The following PCDH15 variants were observed in gnomAD, a reference collection of about 807,000 sequenced individuals.
PCDH15 encodes protocadherin related 15.
A neutral mutation model predicts 178.5 loss-of-function variants in PCDH15; 129 were observed. The ratio of observed to expected loss-of-function variants is 0.72; its 90% CI spans 0.63 to 0.84. The LOEUF is 0.84. PCDH15 is among the 40% of genes least tolerant of loss of function. The pLI, the probability that PCDH15 is intolerant of heterozygous loss-of-function variation, is 0.00. For missense variants in PCDH15, 2,230 were observed against 2,099.9 expected (o/e 1.06, Z -1.21); for synonymous variants, 800 against 732.0 (o/e 1.09, Z -1.50).
intron 2 of PCDH15, among the ~76,000 whole-genome samples, chr10:55,384,601 C>T (rs977652940): frequency 7.9e-5 from 12 of 151,916 alleles, no homozygotes; most frequent in Non-Finnish European, 1.6e-4. Flanking sequence ...CTTTGATTCC[C>T]CTGGTTCTTT....
chr10:55,061,860 A>C (rs2132000203), intron 2 of PCDH15, among the ~76,000 whole-genome samples: 1 of 152,246 alleles, frequency 6.6e-6, no homozygotes, highest in East Asian at 1.9e-4. Context: ...ACTCTACTAA[A>C]AATACAAAAC....
intron 2 of PCDH15, among the ~76,000 whole-genome samples, chr10:55,134,799 T>C (rs1331361426): frequency 1.3e-5 from 2 of 152,204 alleles, no homozygotes; most frequent in Non-Finnish European, 2.9e-5. Flanking sequence ...TTTATGTCTG[T>C]GATCAATTTT....
chr10:54,442,441 TATATATATATATATATATAC>T (rs1435666005), intron 3 of PCDH15, among the ~76,000 whole-genome samples: 33 of 120,644 alleles, frequency 2.7e-4, no homozygotes, highest in African/African-American at 1.1e-3. Flanking sequence ...TATATATATA[TATATATATATATATATATAC>T]AGTCTTTTTT....
At chr10:55,248,954 T>C (rs1490918243) in intron 1 of PCDH15, among the ~76,000 whole-genome samples, 1 of 152,178 alleles carries the variant, frequency 6.6e-6, no homozygotes, top group Non-Finnish European at 1.5e-5. Context: ...AAGATTTATA[T>C]GGATGAGGGA....
At chr10:54,705,314 A>T (rs1351408599) in intron 1 of PCDH15, among the ~76,000 whole-genome samples, 1 of 152,074 alleles carries the variant, frequency 6.6e-6, no homozygotes, top group Non-Finnish European at 1.5e-5. Context: ...ACCTAAAATA[A>T]TTAAAAAAAA....
chr10:54,842,726 A>G (rs1953440578), intron 3 of PCDH15, among the ~76,000 whole-genome samples: 1 of 151,916 alleles, frequency 6.6e-6, no homozygotes, highest in South Asian at 2.1e-4. Flanking sequence ...TACAGTCAGT[A>G]AAATTCAACT....
rs60909498 is a variant in PCDH15, at chr10:53,867,759, C to T, written c.3502-902G>A. ...TATAAAAGAACGTAGTAAAATATCT[C>T]GAATGAAATAAAATAAAGTTGAGTT... On this transcript the variant is annotated intron_variant, in intron 26 of 37. Transcript: ENST00000644397. Among the ~76,000 whole-genome samples, 796 of 151,692 alleles carry T rather than the reference C, an allele frequency of 5.2e-3. 9 individuals are homozygous for T. Among genetic ancestry groups the T allele is most frequent in the African/African-American group, 0.018 (747 of 41,346 alleles).
chr10:54,911,695 C>T lies in PCDH15; in HGVS notation c.-79-14195G>A, dbSNP rs568158165. On this transcript the variant is annotated intron_variant, in intron 2 of 5. Transcript: ENST00000458638. ...GTGGAAAGTGACTGGATCTTGGGGT[C>T]GGTTTCTTCCATGCTGTTCTCCTGA... Among the ~76,000 whole-genome samples, 7 of 152,160 alleles carry T rather than the reference C, an allele frequency of 4.6e-5. No homozygotes were observed. In the East Asian group the frequency reaches 5.8e-4, roughly 13 times the overall value.
intron 2 of PCDH15, among the ~76,000 whole-genome samples, chr10:55,519,824 T>C (rs954615282): frequency 2.1e-4 from 32 of 151,540 alleles, no homozygotes; most frequent in Admixed American, 1.9e-3. Context: ...AGCAACTTCT[T>C]TGTTGTTACT....
intron 1 of PCDH15, among the ~76,000 whole-genome samples, chr10:54,681,645 A>G (rs910242578): frequency 6.6e-6 from 1 of 152,158 alleles, no homozygotes; most frequent in African/African-American, 2.4e-5. Flanking sequence ...TGGGAACAAA[A>G]GCCTGACTAG....
At chr10:54,705,020 T>C (rs2095351429) in intron 1 of PCDH15, among the ~76,000 whole-genome samples, 1 of 152,096 alleles carries the variant, frequency 6.6e-6, no homozygotes, top group African/African-American at 2.4e-5. Context: ...GATTATGTCC[T>C]TTGCAACAAC....
intron 2 of PCDH15, among the ~76,000 whole-genome samples, chr10:55,515,919 T>C (rs1185007391): frequency 6.6e-6 from 1 of 152,164 alleles, no homozygotes; most frequent in East Asian, 1.9e-4. Context: ...TGTTAGTTTG[T>C]GTTGTAGGAA....
chr10:55,159,855 GT>G (rs951385019), intron 2 of PCDH15, among the ~76,000 whole-genome samples: 242 of 148,074 alleles, frequency 1.6e-3, no homozygotes, highest in African/African-American at 5.7e-3. Context: ...GCAAACGACG[GT>G]TTTTTTTTCC....
chr10:55,168,484 A>T (rs1839251771), intron 1 of PCDH15, among the ~76,000 whole-genome samples: 1 of 152,240 alleles, frequency 6.6e-6, no homozygotes, highest in Non-Finnish European at 1.5e-5. Context: ...CTCTGAGTGT[A>T]GCATCAAACA....
At position 54,346,286 on chromosome 10, in the gene PCDH15, A is replaced by G. The variant is rs1943268748; in HGVS notation, c.594+79T>C. ...ATCTGGTTCTGGAAGTTACTGAATA[A>G]TACAATAACTATCAGCTGAAAAAAT... On this transcript the variant is annotated intron_variant, in intron 6 of 37. Transcript: ENST00000644397. The G allele has an allele frequency of 1.6e-5, 23 of 1,394,306 alleles. No homozygotes were observed. The South Asian group carries it at 2.6e-4, about 16-fold the overall frequency. The allele number at this position is 1,394,306 out of a possible 1,614,324, so 86.4% of individuals were successfully genotyped here.
At chr10:55,383,595 G>T (rs1357259054) in intron 2 of PCDH15, among the ~76,000 whole-genome samples, 5 of 152,140 alleles carry the variant, frequency 3.3e-5, no homozygotes, top group African/African-American at 1.2e-4. Flanking sequence ...GTTTGTTTGA[G>T]AGAAGTAAAT....
At chr10:54,950,286 GT>G (rs995334546) in intron 2 of PCDH15, among the ~76,000 whole-genome samples, 1 of 151,946 alleles carries the variant, frequency 6.6e-6, no homozygotes, top group Admixed American at 6.6e-5. Flanking sequence ...AATTGAAATG[GT>G]TTGGCTCTGT....
Position 54,335,654 on chromosome 10 carries a change from C to T in PCDH15, c.595-5948G>A, listed in dbSNP as rs1482147922. ...TCCATGTAAGACATGCCTTTTGCCT[C>T]CCACCAAGATTGTGAGGCCTCCCAG... On this transcript the variant is annotated intron_variant, in intron 6 of 37. Coordinates refer to ENST00000644397, the MANE Select transcript of PCDH15 (RefSeq NM_001384140.1). Among the ~76,000 whole-genome samples the T allele has an allele frequency of 4.6e-5, 7 of 152,160 alleles. No homozygotes were observed. In the East Asian group the frequency reaches 1.2e-3, roughly 25 times the overall value.
intron 8 of PCDH15, among the ~76,000 whole-genome samples, chr10:54,258,650 A>G (rs1433011965): frequency 6.6e-6 from 1 of 152,190 alleles, no homozygotes; most frequent in Non-Finnish European, 1.5e-5. Flanking sequence ...TTTTTGAAAC[A>G]TTAGTTTCTG....
Sources: allele counts gnomAD v4.1 joint callset (sites outside exome capture counted in the v4.1 genomes callset), GRCh38; gene constraint gnomAD v4.1.1; transcripts MANE v1.5; gene names NCBI Gene and HGNC (gene_info 2026-07-23, HGNC 2026-07-21).